The following POLR3B variants were observed in gnomAD, a reference collection of about 807,000 sequenced individuals.
POLR3B encodes the protein DNA-directed RNA polymerase III subunit RPC2.
A neutral mutation model predicts 147.4 loss-of-function variants in POLR3B; 96 were observed. That is an observed-to-expected ratio of 0.65 (90% CI 0.55 to 0.77). POLR3B has a LOEUF of 0.77. Ranked by LOEUF, POLR3B falls within the 30% of genes least tolerant of loss-of-function variation. The pLI, the probability that POLR3B is intolerant of heterozygous loss-of-function variation, is 0.00. For missense variants in POLR3B, 1,036 were observed against 1,413.5 expected (o/e 0.73, Z 4.28); for synonymous variants, 461 against 485.9 (o/e 0.95, Z 0.67).
chr12:106,463,659 A>C, intron 23 of POLR3B, 39 bp downstream of exon 23: 1 of 1,545,246 alleles, frequency 6.5e-7, no homozygotes, highest in Non-Finnish European at 8.9e-7. Flanking sequence ...ATAAAACAAT[A>C]TATGAATGTA....
chr12:106,488,287 A>G (rs2038367423), intron 23 of POLR3B, among the ~76,000 whole-genome samples: 1 of 152,202 alleles, frequency 6.6e-6, no homozygotes, highest in Non-Finnish European at 1.5e-5. Flanking sequence ...GCATCCCCCC[A>G]AAAGAGCTGG....
intron 12 of POLR3B, among the ~76,000 whole-genome samples, chr12:106,412,813 G>A (rs1243261414): frequency 6.6e-6 from 1 of 152,118 alleles, no homozygotes; most frequent in East Asian, 1.9e-4. Flanking sequence ...GCAATGTTCT[G>A]CCTTCTTGTT....
rs367974399 is a variant in POLR3B at position 106,497,038 on chromosome 12, C to T, written c.2984+120C>T. 229 of 965,958 alleles carry T rather than the reference C, an allele frequency of 2.4e-4. 1 individual carries two copies. The highest frequency in any genetic ancestry group is 1.5e-4 in the East Asian group (6 of 38,968). The allele number at this position is 965,958 out of a possible 1,614,324, so 59.8% of individuals were successfully genotyped here. The stretch of plus-strand genomic sequence containing the variant: ...CAGGCAAGCTTGTACAGCCCGTGGG[C>T]GGCATGTGGCCCAGGACGGCTTCGA... On this transcript the variant is annotated intron_variant, in intron 25 of 27. Coordinates refer to ENST00000228347, the MANE Select transcript of POLR3B (RefSeq NM_018082.6).
intron 18 of POLR3B, among the ~76,000 whole-genome samples, chr12:106,439,756 C>T (rs1037635108): frequency 6.6e-6 from 1 of 151,990 alleles, no homozygotes; most frequent in African/African-American, 2.4e-5. Context: ...TTATACCCCT[C>T]ATTTCAAAAT....
Position 106,432,360 on chromosome 12 carries a change from A to G in POLR3B, c.1507A>G (p.Thr503Ala). Residue 503 changes from threonine to alanine, a missense_variant, in exon 15 of 28, where the codon ACA (threonine) becomes GCA (alanine). Physicochemically the swap from Thr to Ala is moderately conservative, Grantham distance 58. Coordinates refer to ENST00000228347, the MANE Select transcript of POLR3B (RefSeq NM_018082.6). The part of the protein sequence containing the change: ...VKNLALMTHI[T>A]TDMEDGPIVK... Reference sequence around the variant, plus strand: ...AAACTTGGCCCTTATGACACACATCACAACTGATATGGAAGATGGACCCAT... The same window carrying G: ...AAACTTGGCCCTTATGACACACATCGCAACTGATATGGAAGATGGACCCAT... 1 of 1,613,864 alleles carries G rather than the reference A, an allele frequency of 6.2e-7. No homozygotes were observed. Among genetic ancestry groups the G allele is most frequent in the Non-Finnish European group, 8.5e-7 (1 of 1,179,772 alleles).
At chr12:106,494,976 A>C (rs2038457892) in intron 23 of POLR3B, among the ~76,000 whole-genome samples, 1 of 152,224 alleles carries the variant, frequency 6.6e-6, no homozygotes, top group African/African-American at 2.4e-5. Context: ...AAATAGTTTG[A>C]ATAATTACAT....
At chr12:106,429,245 T>C (rs1371697295) in intron 13 of POLR3B, among the ~76,000 whole-genome samples, 1 of 152,198 alleles carries the variant, frequency 6.6e-6, no homozygotes, top group African/African-American at 2.4e-5. Context: ...CCCTGCCTTT[T>C]GGGCTCAAGT....
chr12:106,380,609 C>A (rs1259327461), intron 9 of POLR3B, among the ~76,000 whole-genome samples: 1 of 151,860 alleles, frequency 6.6e-6, no homozygotes, highest in East Asian at 1.9e-4. Context: ...ATTAGCCAAG[C>A]GTGGTGGCAT....
chr12:106,372,673 C>G (rs1415367998), intron 6 of POLR3B, among the ~76,000 whole-genome samples: 2 of 152,022 alleles, frequency 1.3e-5, no homozygotes, highest in Non-Finnish European at 2.9e-5. Context: ...ATGCTTTGAC[C>G]TCTATTTCTT....
intron 14 of POLR3B, among the ~76,000 whole-genome samples, chr12:106,430,907 C>G (rs1383409154): frequency 6.6e-6 from 1 of 152,132 alleles, no homozygotes; most frequent in African/African-American, 2.4e-5. Flanking sequence ...GATTTTGACT[C>G]ACTTATATTG....
chr12:106,357,781 A>C lies in POLR3B; in HGVS notation c.-99A>C. The C allele has an allele frequency of 8.4e-7, 1 of 1,187,552 alleles. No homozygotes were observed. The allele number at this position is 1,187,552 out of a possible 1,614,324, so 73.6% of individuals were successfully genotyped here. On this transcript the variant is annotated 5_prime_UTR_variant, in exon 1 of 28. Transcript: ENST00000228347. ...CTAACACGCACGGCGGGGACAGTTT[A>C]GGCCTCCGCGCACCGTTCGCCGGGA...
At chr12:106,388,417 A>G (rs2036869184) in intron 9 of POLR3B, among the ~76,000 whole-genome samples, 1 of 152,046 alleles carries the variant, frequency 6.6e-6, no homozygotes, top group Admixed American at 6.6e-5. Context: ...TCCCTGGTTC[A>G]AGCGATTCTT....
chr12:106,479,673 G>A (rs376587995), intron 23 of POLR3B, among the ~76,000 whole-genome samples: 15 of 152,128 alleles, frequency 9.9e-5, no homozygotes, highest in African/African-American at 3.1e-4. Flanking sequence ...GTGAGCCAGC[G>A]CACCCAGCCT....
chr12:106,386,428 CTTT>C (rs370770207), intron 9 of POLR3B, among the ~76,000 whole-genome samples: 1 of 147,308 alleles, frequency 6.8e-6, no homozygotes, highest in African/African-American at 2.5e-5. Flanking sequence ...ATCCAAAGGA[CTTT>C]TTTTTTTAGA....
intron 12 of POLR3B, among the ~76,000 whole-genome samples, chr12:106,414,312 A>T (rs959383891): frequency 2.0e-5 from 3 of 150,870 alleles, no homozygotes; most frequent in African/African-American, 7.3e-5. Flanking sequence ...GTTTTTGATT[A>T]CTCTTACTCA....
At chr12:106,483,774 G>A (rs2038302003) in intron 23 of POLR3B, among the ~76,000 whole-genome samples, 1 of 152,174 alleles carries the variant, frequency 6.6e-6, no homozygotes, top group Non-Finnish European at 1.5e-5. Flanking sequence ...GTTAGTAAGA[G>A]TGCTCAAGAG....
chr12:106,485,425 T>G (rs2137062420), intron 23 of POLR3B, among the ~76,000 whole-genome samples: 1 of 152,242 alleles, frequency 6.6e-6, no homozygotes, highest in Non-Finnish European at 1.5e-5. Context: ...CTTCTAGAGC[T>G]CACTGTGGAT....
chr12:106,487,404 A>G (rs553080326), intron 23 of POLR3B, among the ~76,000 whole-genome samples: 1 of 152,342 alleles, frequency 6.6e-6, no homozygotes, highest in South Asian at 2.1e-4. Flanking sequence ...AAGTTGACAC[A>G]TACATATTAT....
chr12:106,469,487 T>G (rs2038057393), intron 23 of POLR3B, among the ~76,000 whole-genome samples: 1 of 152,204 alleles, frequency 6.6e-6, no homozygotes. Context: ...TTTGATCCTG[T>G]CATTATGATG....
Sources: allele counts gnomAD v4.1 joint callset (sites outside exome capture counted in the v4.1 genomes callset), GRCh38; gene constraint gnomAD v4.1.1; transcripts MANE v1.5; gene names NCBI Gene and HGNC (gene_info 2026-07-23, HGNC 2026-07-21).